Variants in IPCEF1 observed in about 807,000 individuals in gnomAD.
The protein encoded by IPCEF1 is interactor protein for cytohesin exchange factors 1.
In IPCEF1, 31 loss-of-function variants were observed where a neutral mutation model predicts 50.9. That is an observed-to-expected ratio of 0.61 (90% CI 0.46 to 0.82). The LOEUF is 0.82. IPCEF1 is among the 40% of genes least tolerant of loss of function. IPCEF1 has a pLI of 0.00. For missense variants in IPCEF1, 458 were observed against 514.0 expected (o/e 0.89, Z 1.05); for synonymous variants, 181 against 192.0 (o/e 0.94, Z 0.47).
At chr6:154,217,484 G>T (rs1396211588) in intron 7 of IPCEF1, 1 of 151,646 alleles carries the variant, frequency 6.6e-6, no homozygotes, top group Non-Finnish European at 1.5e-5. Flanking sequence ...AAAGCTCATG[G>T]CACGAGCATC....
intron 11 of IPCEF1, among the ~76,000 whole-genome samples, chr6:154,164,434 C>A (rs1292566337): frequency 6.6e-6 from 1 of 152,156 alleles, no homozygotes; most frequent in Non-Finnish European, 1.5e-5. Context: ...AACAACAGAA[C>A]CTTCCAAGCT....
At chr6:154,300,458 G>C (rs753593470) in intron 1 of IPCEF1, among the ~76,000 whole-genome samples, 11 of 152,080 alleles carry the variant, frequency 7.2e-5, no homozygotes, top group Non-Finnish European at 1.5e-4. Flanking sequence ...ACAGAAAAAT[G>C]TAAAAATTAG....
intron 5 of IPCEF1, 138 bp downstream of exon 5, chr6:154,246,453 G>T: frequency 2.1e-6 from 2 of 975,366 alleles, no homozygotes; most frequent in Non-Finnish European, 3.0e-6. Context: ...ACCAGAAATG[G>T]CTTCTATAAC....
chr6:154,177,243 C>T (rs1411554218), intron 10 of IPCEF1, among the ~76,000 whole-genome samples: 3 of 152,174 alleles, frequency 2.0e-5, no homozygotes, highest in Non-Finnish European at 4.4e-5. Context: ...GACTTCATGA[C>T]TAAAACACCA....
chr6:154,156,222 G>C lies in IPCEF1; in HGVS notation c.*3606C>G, dbSNP rs1462840304. 6.6e-6 allele frequency: 1 copy of C among 152,304 alleles called. No homozygotes were observed. The highest frequency in any genetic ancestry group is 1.5e-5 in the Non-Finnish European group (1 of 68,116). 9.4% of individuals were successfully genotyped at this position (152,304 alleles called of 1,614,324 possible). On this transcript the variant is annotated 3_prime_UTR_variant, in exon 12 of 12. Coordinates refer to ENST00000367220, the MANE Select transcript of IPCEF1 (RefSeq NM_001130700.2). ...CAGCAGGTTGAGGCAGGACCACTAGGAGGAGACTGTGCTCAAGCACAGAGA... is the reference window on the plus strand; with the variant it reads ...CAGCAGGTTGAGGCAGGACCACTAGCAGGAGACTGTGCTCAAGCACAGAGA...
intron 11 of IPCEF1, among the ~76,000 whole-genome samples, chr6:154,162,336 C>A (rs1328753670): frequency 1.3e-5 from 2 of 152,210 alleles, no homozygotes. Flanking sequence ...TAATGCTCTA[C>A]TTTTTCCTGT....
chr6:154,260,115 G>A (rs910838414), intron 3 of IPCEF1, among the ~76,000 whole-genome samples: 1 of 152,150 alleles, frequency 6.6e-6, no homozygotes, highest in African/African-American at 2.4e-5. Flanking sequence ...TGTGAGTGGC[G>A]AATGCAGAGC....
chr6:154,165,047 T>C (rs1799319026), intron 11 of IPCEF1, among the ~76,000 whole-genome samples: 4 of 152,186 alleles, frequency 2.6e-5, no homozygotes. Flanking sequence ...ACAGTTTCCT[T>C]GTTTCTGCAT....
chr6:154,352,526 T>C (rs956371967), intron 1 of IPCEF1, among the ~76,000 whole-genome samples: 2 of 152,226 alleles, frequency 1.3e-5, no homozygotes, highest in African/African-American at 4.8e-5. Flanking sequence ...TTTCAGCTGC[T>C]TCTATGTCAA....
intron 3 of IPCEF1, among the ~76,000 whole-genome samples, chr6:154,255,878 C>G (rs1483157138): frequency 6.6e-6 from 1 of 152,042 alleles, no homozygotes; most frequent in Non-Finnish European, 1.5e-5. Context: ...CCAACTGATA[C>G]TTTATTATTG....
intron 9 of IPCEF1, among the ~76,000 whole-genome samples, chr6:154,211,220 T>C (rs1227358802): frequency 6.6e-6 from 1 of 151,928 alleles, no homozygotes; most frequent in African/African-American, 2.4e-5. Flanking sequence ...ATTGAGACCA[T>C]CCTGGCTAAC....
intron 1 of IPCEF1, among the ~76,000 whole-genome samples, chr6:154,331,415 A>AAGAAAGAAAGAAAG (rs1286872855): frequency 3.5e-5 from 2 of 57,680 alleles, no homozygotes; most frequent in African/African-American, 1.6e-4. Flanking sequence ...AAGAGAGAGA[A>AAGAAAGAAAGAAAG]AAAGAAAGAG....
intron 5 of IPCEF1, among the ~76,000 whole-genome samples, chr6:154,241,486 C>T (rs1780589821): frequency 1.3e-5 from 2 of 152,094 alleles, no homozygotes; most frequent in South Asian, 4.1e-4. Flanking sequence ...TACTCACAAA[C>T]TCTTTGTCCC....
intron 1 of IPCEF1, among the ~76,000 whole-genome samples, chr6:154,338,360 G>C (rs1007587487): frequency 6.6e-6 from 1 of 152,234 alleles, no homozygotes; most frequent in Non-Finnish European, 1.5e-5. Flanking sequence ...AGGGAACTGA[G>C]AGCCAAAGAG....
chr6:154,209,643 CAA>C (rs34423257), intron 9 of IPCEF1, among the ~76,000 whole-genome samples: 104 of 107,888 alleles, frequency 9.6e-4, no homozygotes, highest in Middle Eastern at 4.9e-3. Flanking sequence ...GACTGTGTCT[CAA>C]AAAAAAAAAA....
At position 154,175,362 on chromosome 6, in the gene IPCEF1, TA is replaced by T. The variant is rs1005812138; in HGVS notation, c.911-7250del. On this transcript the variant is annotated intron_variant, in intron 10 of 11. Transcript: ENST00000367220. ...GGAGGTAGAGACACAAAAAACCCTT[TA>T]AAAAAATCAGTGAATCCAGGAGCTT... is the stretch of plus-strand genomic sequence containing the variant. Among the ~76,000 whole-genome samples the T allele has an allele frequency of 3.5e-5, 5 of 144,474 alleles. No homozygotes were observed. The South Asian group carries it at 8.7e-4, about 25-fold the overall frequency. The allele number at this position is 144,474 out of a possible 152,430, so 94.8% of individuals were successfully genotyped here.
intron 10 of IPCEF1, among the ~76,000 whole-genome samples, chr6:154,183,966 TG>T (rs35800420): frequency 0.062 from 9,374 of 152,148 alleles, 352 homozygotes; most frequent in African/African-American, 0.085. Context: ...AATTGTTTTG[TG>T]GTCAGAACAT....
intron 2 of IPCEF1, among the ~76,000 whole-genome samples, chr6:154,273,708 CTT>C (rs1562574970): frequency 4.4e-4 from 24 of 54,098 alleles, no homozygotes; most frequent in Admixed American, 8.9e-4. Flanking sequence ...TTCTTTTTTT[CTT>C]TCTTTCTTTC....
intron 10 of IPCEF1, among the ~76,000 whole-genome samples, chr6:154,187,274 C>A (rs1316048151): frequency 3.3e-5 from 5 of 152,162 alleles, no homozygotes; most frequent in Non-Finnish European, 7.3e-5. Context: ...TCTCTCTAAC[C>A]CCCTTGCCCT....
Sources: allele counts gnomAD v4.1 joint callset (sites outside exome capture counted in the v4.1 genomes callset), GRCh38; gene constraint gnomAD v4.1.1; transcripts MANE v1.5; gene names NCBI Gene and HGNC (gene_info 2026-07-23, HGNC 2026-07-21).